Variants in CDH13 observed in about 807,000 individuals in gnomAD.
CDH13 encodes cadherin 13.
Under a neutral mutation model 63.8 loss-of-function variants are expected in CDH13, and 24 were observed. The observed-to-expected ratio is 0.38, with a 90% CI of 0.27 to 0.53. The LOEUF is 0.53. CDH13 is among the 20% of genes least tolerant of loss of function. The pLI is 0.85. For missense variants in CDH13, 1,049 were observed against 903.1 expected, an observed-to-expected ratio of 1.16 and a Z score of -2.07; for synonymous variants, 503 against 355.3, an observed-to-expected ratio of 1.42 and a Z score of -4.67.
At chr16:82,633,966 C>G (rs1908341724) in intron 1 of CDH13, among the ~76,000 whole-genome samples, 1 of 152,212 alleles carries the variant, frequency 6.6e-6, no homozygotes, top group South Asian at 2.1e-4. Context: ...TTTTCCTCTG[C>G]CAGTTGCCAA....
intron 1 of CDH13, among the ~76,000 whole-genome samples, chr16:82,783,485 A>AG (rs779140792): frequency 2.0e-5 from 3 of 152,210 alleles, no homozygotes; most frequent in Non-Finnish European, 4.4e-5. Context: ...GGACACAGAG[A>AG]GGTGAGCCCC....
intron 1 of CDH13, among the ~76,000 whole-genome samples, chr16:82,679,997 T>C (rs1273809715): frequency 1.3e-5 from 2 of 152,178 alleles, no homozygotes; most frequent in East Asian, 3.9e-4. Flanking sequence ...ACCACCACCA[T>C]AACACACGGG....
chr16:82,659,345 C>A lies in CDH13; in HGVS notation c.45+32208C>A, dbSNP rs140783781. Among the ~76,000 whole-genome samples, 155 of 152,256 alleles carry A rather than the reference C, an allele frequency of 1.0e-3. 2 individuals carry two copies. Among genetic ancestry groups the A allele is most frequent in the African/African-American group, 3.5e-3 (146 of 41,548 alleles). The stretch of plus-strand genomic sequence containing the variant: ...CACATGAATAGGTATAGGTCATAAT[C>A]CTGGAAAGACGGCCTTGCCATTGAG... On this transcript the variant is annotated intron_variant, in intron 1 of 13. Coordinates refer to ENST00000567109, the MANE Select transcript of CDH13 (RefSeq NM_001257.5).
intron 3 of CDH13, among the ~76,000 whole-genome samples, chr16:83,050,577 C>CTTGA (rs1278907366): frequency 6.6e-6 from 1 of 152,132 alleles, no homozygotes; most frequent in African/African-American, 2.4e-5. Context: ...CTTGATTTTC[C>CTTGA]TTTGCTGTTT....
chr16:82,768,951 A>T (rs1874626803), intron 1 of CDH13, among the ~76,000 whole-genome samples: 3 of 152,340 alleles, frequency 2.0e-5, no homozygotes, highest in Admixed American at 6.5e-5. Context: ...GGCTGGGCAC[A>T]AATGTTCAAG....
intron 8 of CDH13, among the ~76,000 whole-genome samples, chr16:83,615,496 TA>T (rs1316644339): frequency 1.3e-5 from 2 of 152,162 alleles, no homozygotes; most frequent in East Asian, 1.9e-4. Context: ...ATAGCTATTA[TA>T]GTGATATATG....
At chr16:83,171,943 G>C (rs754139740) in intron 4 of CDH13, among the ~76,000 whole-genome samples, 7 of 152,072 alleles carry the variant, frequency 4.6e-5, no homozygotes, top group Non-Finnish European at 8.8e-5. Context: ...ATCCTGCATG[G>C]TGAGATAGCT....
At chr16:83,269,092 T>C (rs1188065608) in intron 5 of CDH13, among the ~76,000 whole-genome samples, 1 of 152,244 alleles carries the variant, frequency 6.6e-6, no homozygotes. Flanking sequence ...GACTTCATAA[T>C]CTAGAACTCT....
chr16:83,148,979 C>A (rs895760758), intron 4 of CDH13, among the ~76,000 whole-genome samples: 1 of 151,982 alleles, frequency 6.6e-6, no homozygotes. Flanking sequence ...AGAGTAGACC[C>A]CAAATGTATC....
chr16:83,615,704 A>C (rs1909226049), intron 8 of CDH13, among the ~76,000 whole-genome samples: 1 of 152,232 alleles, frequency 6.6e-6, no homozygotes, highest in African/African-American at 2.4e-5. Flanking sequence ...CATGGGTACT[A>C]GCAGTTTCCA....
intron 6 of CDH13, among the ~76,000 whole-genome samples, chr16:83,478,902 C>A (rs1322056807): frequency 6.6e-6 from 1 of 151,660 alleles, no homozygotes; most frequent in African/African-American, 2.4e-5. Context: ...AATTGGACAT[C>A]CCCTCAAATG....
At position 83,678,116 on chromosome 16, in the gene CDH13, C is replaced by T. The variant is rs1452370492; in HGVS notation, c.1285-92C>T. On this transcript the variant is annotated intron_variant, in intron 9 of 13. Coordinates refer to ENST00000567109, the MANE Select transcript of CDH13 (RefSeq NM_001257.5). ...GCCCAGCTCCATCCCTGAAGGCCCA[C>T]TGTTGCTCGTGGAATTTCAGAGGAA... 7 of 1,389,892 alleles carry T rather than the reference C, an allele frequency of 5.0e-6. No individual in the cohort carries two copies. In the African/African-American group the frequency reaches 8.5e-5, roughly 17 times the overall value. The allele number at this position is 1,389,892 out of a possible 1,614,324, so 86.1% of individuals were successfully genotyped here.
intron 1 of CDH13, among the ~76,000 whole-genome samples, chr16:82,679,986 G>A (rs1214198311): frequency 2.0e-5 from 3 of 152,138 alleles, no homozygotes; most frequent in Non-Finnish European, 4.4e-5. Flanking sequence ...GGACAAGGAA[G>A]ACCACCACCA....
At chr16:83,333,435 G>C (rs897039409) in intron 5 of CDH13, among the ~76,000 whole-genome samples, 5 of 152,074 alleles carry the variant, frequency 3.3e-5, no homozygotes, top group African/African-American at 1.2e-4. Context: ...ACCTCTCTCA[G>C]ATTGCCCAGC....
intron 5 of CDH13, among the ~76,000 whole-genome samples, chr16:83,247,187 A>C (rs1343986936): frequency 6.6e-6 from 1 of 152,176 alleles, no homozygotes; most frequent in African/African-American, 2.4e-5. Flanking sequence ...TTTTGAGCAA[A>C]GGAACATGGG....
intron 2 of CDH13, among the ~76,000 whole-genome samples, chr16:82,865,235 G>C (rs2040085555): frequency 6.6e-6 from 1 of 152,212 alleles, no homozygotes; most frequent in Non-Finnish European, 1.5e-5. Context: ...CTGGGGTCTG[G>C]AGGGTGGTGG....
intron 10 of CDH13, among the ~76,000 whole-genome samples, chr16:83,690,957 A>G (rs138265850): frequency 8.0e-4 from 121 of 152,132 alleles, no homozygotes; most frequent in African/African-American, 2.8e-3. Context: ...CCTGGCCTCA[A>G]GTGATCCACC....
intron 2 of CDH13, among the ~76,000 whole-genome samples, chr16:82,878,255 C>G (rs1214516480): frequency 6.6e-6 from 1 of 151,924 alleles, no homozygotes; most frequent in Non-Finnish European, 1.5e-5. Flanking sequence ...CTACCCAAGG[C>G]TTACAGTAAA....
chr16:83,511,313 T>A (rs1369941456), intron 7 of CDH13, among the ~76,000 whole-genome samples: 1 of 152,014 alleles, frequency 6.6e-6, no homozygotes, highest in Non-Finnish European at 1.5e-5. Flanking sequence ...AATACAAAAT[T>A]TAGCCAGGTG....
Sources: allele counts gnomAD v4.1 joint callset (sites outside exome capture counted in the v4.1 genomes callset), GRCh38; gene constraint gnomAD v4.1.1; transcripts MANE v1.5; gene names NCBI Gene and HGNC (gene_info 2026-07-23, HGNC 2026-07-21).